Variants in RAD51B observed in about 807,000 individuals in gnomAD.
RAD51B encodes the protein RAD51 paralog B.
A neutral mutation model predicts 42.2 loss-of-function variants in RAD51B; 38 were observed. The ratio of observed to expected loss-of-function variants is 0.90; its 90% CI spans 0.70 to 1.18. The LOEUF (loss-of-function observed/expected upper bound fraction) is 1.18, where lower values mean the gene tolerates loss of function less well. Ranked by LOEUF, RAD51B falls within the 50% of genes most tolerant of loss-of-function variation. The probability of loss-of-function intolerance (pLI) is 0.00; values close to 1 mark genes in which losing one functional copy is unlikely to be tolerated. For missense variants in RAD51B, 373 were observed against 400.7 expected (o/e 0.93, Z 0.59); for synonymous variants, 154 against 145.2 (o/e 1.06, Z -0.43).
intron 10 of RAD51B, among the ~76,000 whole-genome samples, chr14:68,592,116 G>A (rs1490294883): frequency 6.6e-6 from 1 of 152,078 alleles, no homozygotes; most frequent in Non-Finnish European, 1.5e-5. Context: ...ATTAGGAGGG[G>A]GGGAATTGAT....
intron 11 of RAD51B, among the ~76,000 whole-genome samples, chr14:68,673,495 T>TAC (rs902869844): frequency 6.8e-6 from 1 of 147,890 alleles, no homozygotes; most frequent in African/African-American, 2.5e-5. Flanking sequence ...GCACATACTG[T>TAC]ACACACATGT....
At chr14:67,842,761 A>G (rs1176627945) in intron 4 of RAD51B, among the ~76,000 whole-genome samples, 4 of 152,090 alleles carry the variant, frequency 2.6e-5, no homozygotes, top group Non-Finnish European at 5.9e-5. Context: ...ATCTTGTTCT[A>G]GTTCTCCCAA....
At chr14:68,489,111 G>A (rs552961588) in intron 10 of RAD51B, among the ~76,000 whole-genome samples, 130 of 150,290 alleles carry the variant, frequency 8.6e-4, no homozygotes, top group African/African-American at 3.0e-3. Flanking sequence ...ACGCCACCAC[G>A]CCTGGCTAAC....
chr14:68,484,410 T>C (rs2842318), intron 10 of RAD51B, among the ~76,000 whole-genome samples: 73,297 of 146,462 alleles, frequency 0.5, 18,767 homozygotes, highest in South Asian at 0.71. Flanking sequence ...CAGGCTGGAG[T>C]ACAGTGGCGC....
chr14:68,109,274 T>A (rs2077424366), intron 7 of RAD51B, among the ~76,000 whole-genome samples: 1 of 151,878 alleles, frequency 6.6e-6, no homozygotes, highest in Non-Finnish European at 1.5e-5. Context: ...TGATTAATGG[T>A]TTGTTAAAAT....
intron 10 of RAD51B, among the ~76,000 whole-genome samples, chr14:68,537,073 AC>A (rs560629227): frequency 2.1e-3 from 291 of 140,808 alleles, no homozygotes; most frequent in African/African-American, 7.4e-3. Context: ...AGCCTGGGTG[AC>A]AGAGTGAGGT....
chr14:68,171,700 TA>T (rs1307387692), intron 7 of RAD51B, among the ~76,000 whole-genome samples: 2 of 152,122 alleles, frequency 1.3e-5, no homozygotes, highest in Admixed American at 1.3e-4. Context: ...TTGTTTGTCA[TA>T]TTTCTCATTC....
chr14:68,088,624 C>G (rs1203717137), intron 7 of RAD51B, among the ~76,000 whole-genome samples: 5 of 120,888 alleles, frequency 4.1e-5, no homozygotes, highest in African/African-American at 1.6e-4. Context: ...GTGTGTGAGA[C>G]AGAGAGAGAG....
chr14:67,824,900 ACTC>A (rs1218794769), intron 2 of RAD51B, among the ~76,000 whole-genome samples: 1 of 151,170 alleles, frequency 6.6e-6, no homozygotes, highest in African/African-American at 2.4e-5. Flanking sequence ...AATATGGTGA[ACTC>A]TTGTCTCTAC....
At chr14:68,655,663 C>T (rs897841341) in intron 11 of RAD51B, among the ~76,000 whole-genome samples, 4 of 152,186 alleles carry the variant, frequency 2.6e-5, no homozygotes, top group South Asian at 4.1e-4. Context: ...CTGCCAGGGA[C>T]GCCCACCCGC....
chr14:68,290,510 A>G (rs1010569804), intron 7 of RAD51B, among the ~76,000 whole-genome samples: 11 of 152,250 alleles, frequency 7.2e-5, no homozygotes, highest in African/African-American at 2.7e-4. Flanking sequence ...GCATTCGACC[A>G]CATGAATTAG....
chr14:68,265,319 T>C (rs2080969002), intron 7 of RAD51B, among the ~76,000 whole-genome samples: 1 of 152,222 alleles, frequency 6.6e-6, no homozygotes, highest in Non-Finnish European at 1.5e-5. Flanking sequence ...CACAAATAAA[T>C]GTTAGGTCCC....
At chr14:67,916,569 A>G (rs970283912) in intron 7 of RAD51B, among the ~76,000 whole-genome samples, 2 of 151,978 alleles carry the variant, frequency 1.3e-5, no homozygotes, top group African/African-American at 4.8e-5. Flanking sequence ...TATTAGAAAC[A>G]TAAGAACCCA....
chr14:68,060,946 G>A (rs141638654), intron 7 of RAD51B, among the ~76,000 whole-genome samples: 2 of 150,764 alleles, frequency 1.3e-5, no homozygotes, highest in South Asian at 4.2e-4. Flanking sequence ...GTCTGTTTTT[G>A]TGTCAGTACC....
intron 7 of RAD51B, among the ~76,000 whole-genome samples, chr14:68,029,211 A>G (rs909120232): frequency 3.3e-5 from 5 of 152,078 alleles, no homozygotes; most frequent in African/African-American, 1.2e-4. Flanking sequence ...AGATCCGTTC[A>G]AATTGTGTTG....
chr14:68,292,714 A>C (rs1193990481), intron 8 of RAD51B, among the ~76,000 whole-genome samples: 1 of 152,210 alleles, frequency 6.6e-6, no homozygotes, highest in Non-Finnish European at 1.5e-5. Context: ...GAAGGAATAC[A>C]GGAGACTTTT....
At chr14:68,057,839 G>GTT (rs1054022521) in intron 7 of RAD51B, among the ~76,000 whole-genome samples, 24 of 151,508 alleles carry the variant, frequency 1.6e-4, no homozygotes, top group Admixed American at 3.3e-4. Context: ...GTGTGTGTGT[G>GTT]TGTGTGTGTG....
chr14:67,915,368 A>C (rs1442523568), intron 7 of RAD51B, among the ~76,000 whole-genome samples: 1 of 152,252 alleles, frequency 6.6e-6, no homozygotes, highest in Non-Finnish European at 1.5e-5. Context: ...TTGGTGAATG[A>C]ATAAATTGGG....
At chr14:68,433,256 G>A (rs1343571352) in intron 9 of RAD51B, among the ~76,000 whole-genome samples, 6 of 152,138 alleles carry the variant, frequency 3.9e-5, no homozygotes, top group East Asian at 1.9e-4. Flanking sequence ...GAGTATCTTT[G>A]TGGCGTTCTC....
Sources: allele counts gnomAD v4.1 joint callset (sites outside exome capture counted in the v4.1 genomes callset), GRCh38; gene constraint gnomAD v4.1.1; transcripts MANE v1.5; gene names NCBI Gene and HGNC (gene_info 2026-07-23, HGNC 2026-07-21).